Variants in LIN7C observed in about 807,000 individuals in gnomAD.
LIN7C encodes the protein lin-7 cell polarity scaffold C.
Under a neutral mutation model 24.7 loss-of-function variants are expected in LIN7C, and 17 were observed. The ratio of observed to expected loss-of-function variants is 0.69; its 90% confidence interval spans 0.47 to 1.03. The LOEUF (loss-of-function observed/expected upper bound fraction) is 1.03, where lower values mean the gene tolerates loss of function less well. Among genes scored for constraint, LIN7C ranks in the 50% least tolerant of loss-of-function variants. The pLI is 0.00. For synonymous variants in LIN7C, 90 were observed against 83.4 expected (o/e 1.08, Z -0.43); for missense variants, 204 against 239.0 (o/e 0.85, Z 0.97).
rs1000276094 is a variant in LIN7C, at chr11:27,496,290, G to A, written c.*2359C>T. 1.2e-4 allele frequency: 18 copies of A among 152,016 alleles called. No individual in the cohort carries two copies. The highest frequency in any genetic ancestry group is 4.1e-4 in the African/African-American group (17 of 41,394). 9.4% of individuals were successfully genotyped at this position (152,016 alleles called of 1,614,324 possible). A position where few individuals can be genotyped will look rare whatever the true frequency, so the allele number is the denominator to read the frequency against. On this transcript the variant is annotated 3_prime_UTR_variant, in exon 5 of 5. Transcript: ENST00000278193. ...AAGTCAACACATTTTGATATATCAA[G>A]AAAATAAATGGAAATGGGGGTGATA...
Position 27,501,924 on chromosome 11 carries a change from G to A in LIN7C, c.38-4C>T, listed in dbSNP as rs1346798173. The A allele has an allele frequency of 3.3e-6, 5 of 1,519,710 alleles. No individual in the cohort carries two copies. Among genetic ancestry groups the A allele is most frequent in the Non-Finnish European group, 4.6e-6 (5 of 1,095,192 alleles). The allele number at this position is 1,519,710 out of a possible 1,614,324, so 94.1% of individuals were successfully genotyped here. On this transcript the variant is annotated splice_polypyrimidine_tract_variant and splice_region_variant and intron_variant, in intron 1 of 4. Coordinates refer to ENST00000278193, the MANE Select transcript of LIN7C (RefSeq NM_018362.4). ...AATTCAATTGCTCTACAAATATCTA[G>A]AGTTAAACACACACACAGATAATTT...
At position 27,498,589 on chromosome 11, in the gene LIN7C, A is replaced by C. The variant is rs1393752929; in HGVS notation, c.*60T>G. On this transcript the variant is annotated 3_prime_UTR_variant, in exon 5 of 5. Transcript: ENST00000278193. Reference sequence around the variant, plus strand: ...ATCATTGGCATTGCAGCCATTAGTAAGTCACAAGGAAAACTTCTCTAGCTA... The same window carrying C: ...ATCATTGGCATTGCAGCCATTAGTACGTCACAAGGAAAACTTCTCTAGCTA... The C allele has an allele frequency of 1.4e-6, 2 of 1,476,878 alleles. No homozygotes were observed. The highest frequency in any genetic ancestry group is 2.3e-5 in the East Asian group (1 of 43,306). 91.5% of individuals were successfully genotyped at this position (1,476,878 alleles called of 1,614,324 possible). A position where few individuals can be genotyped will look rare whatever the true frequency, so the allele number is the denominator to read the frequency against.
At chr11:27,503,482 T>C (rs1403659758) in intron 1 of LIN7C, among the ~76,000 whole-genome samples, 1 of 152,220 alleles carries the variant, frequency 6.6e-6, no homozygotes, top group African/African-American at 2.4e-5. Context: ...TGTTTGCAGA[T>C]AGAAAACTAT....
Position 27,496,955 on chromosome 11 carries a change from A to T in LIN7C, c.*1694T>A, listed in dbSNP as rs754626924. 3.3e-5 allele frequency: 5 copies of T among 152,580 alleles called. No homozygotes were observed. The highest frequency in any genetic ancestry group is 7.4e-5 in the Non-Finnish European group (5 of 67,988). 9.5% of individuals were successfully genotyped at this position (152,580 alleles called of 1,614,324 possible). A position where few individuals can be genotyped will look rare whatever the true frequency, so the allele number is the denominator to read the frequency against. ...CAACAAATACCTCTAATAATTTTAC[A>T]ATTAAATTAAGTCCATACTTCTATA... On this transcript the variant is annotated 3_prime_UTR_variant, in exon 5 of 5. Transcript: ENST00000278193.
intron 1 of LIN7C, 93 bp downstream of exon 1, chr11:27,506,623 A>T: frequency 1.4e-6 from 2 of 1,428,072 alleles, no homozygotes; most frequent in Middle Eastern, 2.0e-4. Context: ...CGTGGCCCGG[A>T]TCTCAGAGCC....
Position 27,498,201 on chromosome 11 carries a change from G to T in LIN7C, c.*448C>A, listed in dbSNP as rs566929988. 2 of 153,686 alleles carry T rather than the reference G, an allele frequency of 1.3e-5. No homozygotes were observed. The highest frequency in any genetic ancestry group is 4.8e-5 in the African/African-American group (2 of 41,292). 9.5% of individuals were successfully genotyped at this position (153,686 alleles called of 1,614,324 possible). On this transcript the variant is annotated 3_prime_UTR_variant, in exon 5 of 5. Transcript: ENST00000278193. Reference sequence around the variant, plus strand: ...TGAGACTGTTATGCTTAATTTCTTGGAAAACTGTAAAGAAATTTCACAGGT... The same window carrying T: ...TGAGACTGTTATGCTTAATTTCTTGTAAAACTGTAAAGAAATTTCACAGGT...
Position 27,495,092 on chromosome 11 carries a change from G to A in LIN7C, c.*3557C>T, listed in dbSNP as rs536334723. ...AATATCCATTTTAATTGTAAACAAA[G>A]TACTTGAGCCAGACTACTTAAGTAC... On this transcript the variant is annotated 3_prime_UTR_variant, in exon 5 of 5. Transcript: ENST00000278193. The A allele has an allele frequency of 1.3e-5, 2 of 152,656 alleles. No individual in the cohort carries two copies. The highest frequency in any genetic ancestry group is 6.5e-5 in the Admixed American group (1 of 15,282). 9.5% of individuals were successfully genotyped at this position (152,656 alleles called of 1,614,324 possible). A position where few individuals can be genotyped will look rare whatever the true frequency, so the allele number is the denominator to read the frequency against.
chr11:27,499,286 T>A, intron 4 of LIN7C, 73 bp downstream of exon 4: 1 of 1,244,572 alleles, frequency 8.0e-7, no homozygotes, highest in South Asian at 1.3e-5. Context: ...TTCTTAGGTT[T>A]CTCCTATTAC....
rs1022668931 is a variant in LIN7C, at chr11:27,495,964, C to T, written c.*2685G>A. ...CCTGGGAGACAAAGCAAGATCCTGTCTCTTTTAAAACAAAAAACAAACAAA... is the reference window on the plus strand; with the variant it reads ...CCTGGGAGACAAAGCAAGATCCTGTTTCTTTTAAAACAAAAAACAAACAAA... On this transcript the variant is annotated 3_prime_UTR_variant, in exon 5 of 5. Coordinates refer to ENST00000278193, the MANE Select transcript of LIN7C (RefSeq NM_018362.4). The T allele has an allele frequency of 6.7e-6, 1 of 148,170 alleles. No individual in the cohort carries two copies. Among genetic ancestry groups the T allele is most frequent in the Non-Finnish European group, 1.5e-5 (1 of 67,206 alleles). 9.2% of individuals were successfully genotyped at this position (148,170 alleles called of 1,614,324 possible). A position where few individuals can be genotyped will look rare whatever the true frequency, so the allele number is the denominator to read the frequency against.
At position 27,497,476 on chromosome 11, in the gene LIN7C, AAT is replaced by A. The variant is rs572245414; in HGVS notation, c.*1171_*1172del. On this transcript the variant is annotated 3_prime_UTR_variant, in exon 5 of 5. Transcript: ENST00000278193. ...ATAGTGACATCCAGTGGACAAATGA[AAT>A]ATTTCTCAAATTCCCATATTTGAAT... 1.3e-5 allele frequency: 2 copies of A among 152,516 alleles called. No homozygotes were observed. The highest frequency in any genetic ancestry group is 2.9e-5 in the Non-Finnish European group (2 of 67,942). The allele number at this position is 152,516 out of a possible 1,614,324, so 9.4% of individuals were successfully genotyped here. A position where few individuals can be genotyped will look rare whatever the true frequency, so the allele number is the denominator to read the frequency against.
At chr11:27,503,187 A>G (rs971714259) in intron 1 of LIN7C, among the ~76,000 whole-genome samples, 6 of 152,216 alleles carry the variant, frequency 3.9e-5, no homozygotes, top group African/African-American at 1.4e-4. Flanking sequence ...CATTTATACA[A>G]ATGTATGAAG....
At chr11:27,504,898 G>T in intron 1 of LIN7C, among the ~76,000 whole-genome samples, 1 of 152,176 alleles carries the variant, frequency 6.6e-6, no homozygotes, top group Admixed American at 6.5e-5. Context: ...CATGGATATG[G>T]AGGGCTGACT....
chr11:27,501,675 C>A (rs1865227913), intron 2 of LIN7C, 109 bp from the exon 3 acceptor site: 8 of 721,098 alleles, frequency 1.1e-5, no homozygotes, highest in Admixed American at 3.0e-5. Context: ...ATCAGAAATT[C>A]CAAAAATGAG....
intron 1 of LIN7C, among the ~76,000 whole-genome samples, chr11:27,503,199 A>C (rs919149156): frequency 6.6e-6 from 1 of 152,242 alleles, no homozygotes; most frequent in Non-Finnish European, 1.5e-5. Context: ...TGTATGAAGC[A>C]CATTAGGGAA....
intron 4 of LIN7C, 143 bp downstream of exon 4, chr11:27,499,216 A>G (rs943562922): frequency 3.1e-6 from 2 of 642,032 alleles, no homozygotes; most frequent in Non-Finnish European, 5.4e-6. Flanking sequence ...CTTAAAAAAA[A>G]GGATCACTGT....
intron 1 of LIN7C, among the ~76,000 whole-genome samples, chr11:27,504,650 T>G (rs1865255643): frequency 6.6e-6 from 1 of 152,222 alleles, no homozygotes; most frequent in Non-Finnish European, 1.5e-5. Context: ...TATCAAGATC[T>G]GCAGATGCTC....
At chr11:27,505,508 G>A (rs1333053146) in intron 1 of LIN7C, among the ~76,000 whole-genome samples, 7 of 152,206 alleles carry the variant, frequency 4.6e-5, no homozygotes, top group African/African-American at 1.7e-4. Flanking sequence ...AGTCTTCCCA[G>A]AGTAGCTAGT....
Position 27,498,648 on chromosome 11 carries a change from A to G in LIN7C, c.*1T>C. The G allele has an allele frequency of 6.2e-7, 1 of 1,613,030 alleles. No individual in the cohort carries two copies. Among genetic ancestry groups the G allele is most frequent in the Middle Eastern group, 1.7e-4 (1 of 6,056 alleles). ...AATGAAATATCAAGTTTTGAAATGT[A>G]TTAGGTCTGTTGCCTGCGTTTTGCT... On this transcript the variant is annotated 3_prime_UTR_variant, in exon 5 of 5. Coordinates refer to ENST00000278193, the MANE Select transcript of LIN7C (RefSeq NM_018362.4).
chr11:27,500,935 C>A (rs1156741224), intron 3 of LIN7C, among the ~76,000 whole-genome samples: 10 of 152,300 alleles, frequency 6.6e-5, no homozygotes, highest in South Asian at 2.1e-4. Context: ...AAGTCACCGA[C>A]TGCTGATATT....
Sources: allele counts gnomAD v4.1 joint callset (sites outside exome capture counted in the v4.1 genomes callset), GRCh38; gene constraint gnomAD v4.1.1; transcripts MANE v1.5; gene names NCBI Gene and HGNC (gene_info 2026-07-23, HGNC 2026-07-21).